Variants in VPS37A observed in about 807,000 individuals in gnomAD.
The protein encoded by VPS37A is vacuolar protein sorting-associated protein 37A.
VPS37A carries 30 observed loss-of-function variants against 49.8 expected under a neutral mutation model. The ratio of observed to expected loss-of-function variants is 0.60; its 90% CI spans 0.45 to 0.82. VPS37A has a LOEUF of 0.82. Ranked by LOEUF, VPS37A falls within the 40% of genes least tolerant of loss-of-function variation. The pLI is 0.00. For missense variants in VPS37A, 593 were observed against 464.4 expected, an observed-to-expected ratio of 1.28 and a Z score of -2.55; for synonymous variants, 195 against 160.6, an observed-to-expected ratio of 1.21 and a Z score of -1.62.
downstream of VPS37A, among the ~76,000 whole-genome samples, chr8:17,305,396 A>T (rs1817383889): frequency 6.6e-6 from 1 of 152,188 alleles, no homozygotes; most frequent in African/African-American, 2.4e-5. Flanking sequence ...TTGCTTTCCC[A>T]ATTAAATTTG....
intron 5 of VPS37A, among the ~76,000 whole-genome samples, chr8:17,275,610 C>T (rs541797082): frequency 2.6e-5 from 4 of 152,198 alleles, no homozygotes; most frequent in South Asian, 4.1e-4. Context: ...TCAAGTGTTC[C>T]GTTGGTTTAA....
chr8:17,256,065 G>T (rs1812417237), intron 1 of VPS37A, among the ~76,000 whole-genome samples: 2 of 151,806 alleles, frequency 1.3e-5, no homozygotes, highest in Non-Finnish European at 1.5e-5. Context: ...CAGAATTGCT[G>T]AATCATATGG....
At chr8:17,314,651 T>C in the VPS37A span, among the ~76,000 whole-genome samples, 14 of 152,298 alleles carry the variant, frequency 9.2e-5, no homozygotes, top group Admixed American at 7.8e-4. Flanking sequence ...TTCTGAGTCA[T>C]AGATGACAAC....
chr8:17,292,351 C>T (rs1295422974), intron 11 of VPS37A, among the ~76,000 whole-genome samples: 4 of 152,176 alleles, frequency 2.6e-5, no homozygotes, highest in African/African-American at 9.6e-5. Context: ...TATTTTAAGC[C>T]TGTGTGTGTC....
chr8:17,289,444 C>T (rs1815931523), intron 11 of VPS37A, among the ~76,000 whole-genome samples: 1 of 152,110 alleles, frequency 6.6e-6, no homozygotes, highest in South Asian at 2.1e-4. Flanking sequence ...TTCCCAACAC[C>T]ATTTATTAAA....
rs143477645 is a variant in VPS37A at position 17,294,288 on chromosome 8, T to C, written c.*1-699T>C. Among the ~76,000 whole-genome samples, 517 of 152,264 alleles carry C rather than the reference T, an allele frequency of 3.4e-3. 2 individuals carry two copies. Among genetic ancestry groups the C allele is most frequent in the African/African-American group, 0.012 (496 of 41,568 alleles). On this transcript the variant is annotated intron_variant, in intron 11 of 11. Transcript: ENST00000324849. ...CAGACTACTCAAACCTCATTAATGG[T>C]GGACGCCCCTCCCCCCACCAAGCTC...
intron 1 of VPS37A, among the ~76,000 whole-genome samples, chr8:17,259,153 A>G (rs1812751735): frequency 6.6e-6 from 1 of 151,968 alleles, no homozygotes; most frequent in Non-Finnish European, 1.5e-5. Flanking sequence ...TAGTTCATCA[A>G]AGTGCATAAT....
Position 17,247,244 on chromosome 8 carries a change from G to C in VPS37A, c.-1G>C. On this transcript the variant is annotated 5_prime_UTR_variant, in exon 1 of 12. Transcript: ENST00000324849. ...GCCTCCGGCCCGTGGACCCGAGGAG[G>C]ATGAGCTGGCTTTTTCCCCTGACCA... 1 of 1,569,550 alleles carries C rather than the reference G, an allele frequency of 6.4e-7. No individual in the cohort carries two copies. Among genetic ancestry groups the C allele is most frequent in the Non-Finnish European group, 8.6e-7 (1 of 1,157,116 alleles).
At chr8:17,275,444 A>G (rs1428239121) in intron 5 of VPS37A, among the ~76,000 whole-genome samples, 2 of 152,186 alleles carry the variant, frequency 1.3e-5, no homozygotes, top group Admixed American at 6.5e-5. Context: ...AACATTGTCA[A>G]AGACATTGAG....
chr8:17,327,675 ATGTC>A, the VPS37A span, among the ~76,000 whole-genome samples: 1 of 152,206 alleles, frequency 6.6e-6, no homozygotes, highest in Admixed American at 6.5e-5. Flanking sequence ...CAAATATATT[ATGTC>A]TGTCTAAGCC....
chr8:17,322,234 A>C, the VPS37A span, among the ~76,000 whole-genome samples: 1 of 152,226 alleles, frequency 6.6e-6, no homozygotes, highest in Non-Finnish European at 1.5e-5. Flanking sequence ...CCTCCACTGA[A>C]CATCCACCAG....
intron 11 of VPS37A, 142 bp downstream of exon 11, chr8:17,286,569 G>T: frequency 3.2e-6 from 2 of 620,748 alleles, no homozygotes; most frequent in Admixed American, 3.4e-5. Context: ...AGAATGCTTT[G>T]TATTATATAA....
At chr8:17,258,186 T>A (rs987571550) in intron 1 of VPS37A, among the ~76,000 whole-genome samples, 4 of 152,190 alleles carry the variant, frequency 2.6e-5, no homozygotes, top group African/African-American at 9.7e-5. Context: ...CACTATTATA[T>A]TGGATAAAAG....
At chr8:17,302,706 C>G (rs544899161), downstream of VPS37A, among the ~76,000 whole-genome samples, 396 of 47,960 alleles carry the variant, frequency 8.3e-3, 43 homozygotes, top group African/African-American at 0.019. Flanking sequence ...GGCAATAACC[C>G]CCCCCCCCCC....
At chr8:17,311,452 C>G in the VPS37A span, 5 of 1,606,186 alleles carry the variant, frequency 3.1e-6, no homozygotes, top group Non-Finnish European at 4.2e-6. Flanking sequence ...GTTGTAAAAA[C>G]AGGGGTCCAT....
chr8:17,296,149 TA>T lies in VPS37A; in HGVS notation c.*1164del. 1 of 152,364 alleles carries T rather than the reference TA, an allele frequency of 6.6e-6. No individual in the cohort carries two copies. 9.4% of individuals were successfully genotyped at this position (152,364 alleles called of 1,614,324 possible). A position where few individuals can be genotyped will look rare whatever the true frequency, so the allele number is the denominator to read the frequency against. ...TATAGTATAGATTGTCTGTCTTTTT[TA>T]TATTTTTTAGTTCTTCCTGTACATG... is the stretch of plus-strand genomic sequence containing the variant. On this transcript the variant is annotated 3_prime_UTR_variant, in exon 12 of 12. Transcript: ENST00000324849.
At position 17,276,525 on chromosome 8, in the gene VPS37A, G is replaced by C. The variant is rs541358677; in HGVS notation, c.713+58G>C. On this transcript the variant is annotated intron_variant, in intron 6 of 11. Coordinates refer to ENST00000324849, the MANE Select transcript of VPS37A (RefSeq NM_152415.3). ...CTATTTTATTTGTAAGCATAAACCA[G>C]ATTATTATTTCATATCCATATAAAT... 22 of 1,473,662 alleles carry C rather than the reference G, an allele frequency of 1.5e-5. No homozygotes were observed. In the African/African-American group the frequency reaches 3.1e-4, roughly 21 times the overall value. The allele number at this position is 1,473,662 out of a possible 1,614,324, so 91.3% of individuals were successfully genotyped here.
intron 1 of VPS37A, among the ~76,000 whole-genome samples, chr8:17,257,647 T>C (rs1413142369): frequency 2.6e-5 from 4 of 152,106 alleles, no homozygotes; most frequent in Non-Finnish European, 4.4e-5. Flanking sequence ...TGTAAAAAAA[T>C]TGTGATTGTT....
chr8:17,265,699 G>A, intron 1 of VPS37A: 1 of 1,365,856 alleles, frequency 7.3e-7, no homozygotes, highest in Non-Finnish European at 1.0e-6. Flanking sequence ...CCTTCCCCTG[G>A]ATAGTTTAGA....
Sources: gnomAD v4.1 joint callset for allele counts (sites outside exome capture counted in the v4.1 genomes callset) on GRCh38, gnomAD v4.1.1 for gene constraint, MANE v1.5 for transcripts, NCBI Gene and HGNC (gene_info 2026-07-23, HGNC 2026-07-21) for gene names.